MTHFD1: variants seen among roughly 807,000 people sequenced by gnomAD.
MTHFD1 encodes the protein methylenetetrahydrofolate dehydrogenase, cyclohydrolase and formyltetrahydrofolate synthetase 1.
Under a neutral mutation model 110.3 loss-of-function variants are expected in MTHFD1, and 44 were observed. The ratio of observed to expected loss-of-function variants is 0.40; its 90% CI spans 0.31 to 0.51. MTHFD1 has a LOEUF of 0.51. Among genes scored for constraint, MTHFD1 ranks in the 20% least tolerant of loss-of-function variants. MTHFD1 has a pLI of 0.60. For missense variants in MTHFD1, 909 were observed against 1,173.1 expected, an observed-to-expected ratio of 0.77 and a Z score of 3.29; for synonymous variants, 402 against 428.8, an observed-to-expected ratio of 0.94 and a Z score of 0.77.
intron 17 of MTHFD1, among the ~76,000 whole-genome samples, chr14:64,439,712 C>T (rs753172813): frequency 4.0e-5 from 6 of 151,060 alleles, no homozygotes; most frequent in Non-Finnish European, 7.4e-5. Context: ...ATCAGCCCGG[C>T]CAAACCCCAT....
intron 1 of MTHFD1, chr14:64,390,544 C>G (rs531934040): frequency 6.6e-6 from 1 of 152,166 alleles, no homozygotes; most frequent in Admixed American, 6.6e-5. Context: ...AGTACAATGG[C>G]GTGATCTCGG....
chr14:64,425,936 G>A, intron 10 of MTHFD1, 83 bp from the exon 11 acceptor site: 1 of 1,587,564 alleles, frequency 6.3e-7, no homozygotes, highest in Non-Finnish European at 8.6e-7. Context: ...AGTGGTTGGG[G>A]TTGGGTTGGG....
At chr14:64,408,328 G>A (rs1001311598) in intron 2 of MTHFD1, among the ~76,000 whole-genome samples, 5 of 128,600 alleles carry the variant, frequency 3.9e-5, no homozygotes, top group South Asian at 2.5e-4. Context: ...CACTCTTGTC[G>A]CCCAGGCTGG....
chr14:64,447,710 T>C (rs2078304488), intron 22 of MTHFD1, among the ~76,000 whole-genome samples: 1 of 152,136 alleles, frequency 6.6e-6, no homozygotes, highest in East Asian at 1.9e-4. Context: ...ACTTCATATT[T>C]CCTGGCAGTA....
intron 2 of MTHFD1, among the ~76,000 whole-genome samples, chr14:64,406,490 G>GTTTT (rs56712265): frequency 3.2e-5 from 4 of 123,126 alleles, no homozygotes; most frequent in Non-Finnish European, 5.2e-5. Flanking sequence ...TTTATTTGTG[G>GTTTT]TTTTTTTTTT....
chr14:64,455,308 A>C (rs769102023), intron 26 of MTHFD1: 35 of 168,304 alleles, frequency 2.1e-4, no homozygotes, highest in Non-Finnish European at 3.5e-4. Flanking sequence ...TCTGAAATTC[A>C]GGGGGTTCAT....
chr14:64,411,165 C>T lies in MTHFD1; in HGVS notation c.186+16C>T. On this transcript the variant is annotated intron_variant, in intron 3 of 27. Transcript: ENST00000652337. ...TGCTGAAGAGGTAACGCCAGAAGAGCTGTGCCATCACCCTCCCCAACCTCC... is the reference window on the plus strand; with the variant it reads ...TGCTGAAGAGGTAACGCCAGAAGAGTTGTGCCATCACCCTCCCCAACCTCC... 5 of 1,606,494 alleles carry T rather than the reference C, an allele frequency of 3.1e-6. No individual in the cohort carries two copies. The highest frequency in any genetic ancestry group is 2.6e-6 in the Non-Finnish European group (3 of 1,174,704).
chr14:64,394,395 G>A (rs1260331677), intron 1 of MTHFD1, among the ~76,000 whole-genome samples: 1 of 152,138 alleles, frequency 6.6e-6, no homozygotes, highest in African/African-American at 2.4e-5. Context: ...GGTTCTCCCT[G>A]AGGCCTTTCC....
intron 20 of MTHFD1, 38 bp downstream of exon 20, chr14:64,442,203 GT>G: frequency 6.2e-7 from 1 of 1,614,006 alleles, no homozygotes; most frequent in Non-Finnish European, 8.5e-7. Context: ...TAGACTGTAT[GT>G]TTCTTTTAAC....
intron 2 of MTHFD1, among the ~76,000 whole-genome samples, chr14:64,406,507 T>TG (rs2077936908): frequency 6.7e-6 from 1 of 149,870 alleles, no homozygotes; most frequent in African/African-American, 2.4e-5. Context: ...TTTTTTTTTT[T>TG]TTTGAGACAG....
chr14:64,417,894 C>T lies in MTHFD1; in HGVS notation c.485C>T (p.Pro162Leu), dbSNP rs4902283. The T allele has an allele frequency of 4.3e-6, 7 of 1,612,358 alleles. No individual in the cohort carries two copies. In the African/African-American group the frequency reaches 6.7e-5, roughly 15 times the overall value. ...CLELIKETGV[P>L]IAGRHAVVVG... ...AGGCTGGCTTTTCTTTCAGGGGTGC[C>T]GATTGCCGGAAGGCATGCTGTGGTG... Residue 162 changes from proline (P) to leucine (L), a missense_variant, in exon 7 of 28, where the codon CCG becomes CTG. Pro to Leu is a moderately conservative substitution (Grantham distance 98). Around this residue, in one of 3 missense-constraint regions of MTHFD1, gnomAD observed 424 missense variants for 510.4 expected, o/e 0.83. Transcript: ENST00000652337. This position sits in a 1 kb window ranked among gnomAD's most constrained non-coding sequence, Gnocchi z 4.4.
intron 2 of MTHFD1, 41 bp downstream of exon 2, chr14:64,400,918 G>T: frequency 7.1e-7 from 1 of 1,415,218 alleles, no homozygotes; most frequent in South Asian, 1.2e-5. Flanking sequence ...GTCTTTGCTT[G>T]ATTTCTCAGT....
intron 21 of MTHFD1, among the ~76,000 whole-genome samples, 182 bp downstream of exon 21, chr14:64,442,584 C>T (rs1033066340): frequency 6.6e-6 from 1 of 152,204 alleles, no homozygotes; most frequent in South Asian, 2.1e-4. Flanking sequence ...GCACCGTCAG[C>T]GCTCAGCATT....
chr14:64,394,525 A>G (rs2077831747), intron 1 of MTHFD1, among the ~76,000 whole-genome samples: 1 of 151,470 alleles, frequency 6.6e-6, no homozygotes, highest in Admixed American at 6.6e-5. Flanking sequence ...GGTCAGACCT[A>G]CTTACTTTGC....
At chr14:64,392,609 C>T (rs999140831) in intron 1 of MTHFD1, among the ~76,000 whole-genome samples, 1 of 152,142 alleles carries the variant, frequency 6.6e-6, no homozygotes, top group Non-Finnish European at 1.5e-5. Context: ...TTTGTAAGCT[C>T]GCTGTGGATG....
chr14:64,416,509 A>C (rs546375041), intron 6 of MTHFD1, among the ~76,000 whole-genome samples: 61 of 152,260 alleles, frequency 4.0e-4, no homozygotes, highest in Admixed American at 1.2e-3. Context: ...TCTCCTGCAC[A>C]GTTGGCCATA....
intron 18 of MTHFD1, 193 bp downstream of exon 18, chr14:64,440,459 G>T (rs954534214): frequency 1.5e-6 from 1 of 687,592 alleles, no homozygotes; most frequent in Non-Finnish European, 2.6e-6. Flanking sequence ...ATAATAGCTG[G>T]TATGCTTTAG....
intron 4 of MTHFD1, among the ~76,000 whole-genome samples, chr14:64,414,762 G>A (rs1045129516): frequency 1.3e-5 from 2 of 149,660 alleles, no homozygotes; most frequent in African/African-American, 2.5e-5. Flanking sequence ...CTATCTCAGC[G>A]GACTGCAACC....
chr14:64,414,529 T>C (rs1401126318), intron 4 of MTHFD1, among the ~76,000 whole-genome samples: 1 of 151,994 alleles, frequency 6.6e-6, no homozygotes, highest in African/African-American at 2.4e-5. Flanking sequence ...TGGCTTCAAG[T>C]GATCCAGTAG....
Sources: gnomAD v4.1 joint callset for allele counts (sites outside exome capture counted in the v4.1 genomes callset) on GRCh38, gnomAD v4.1.1 for gene constraint, gnomAD v4.1.1 regional missense constraint, Gnocchi (gnomAD v3.1) non-coding constraint, MANE v1.5 for transcripts, NCBI Gene and HGNC (gene_info 2026-07-23, HGNC 2026-07-21) for gene names.